Variants in SMOC2 observed in about 807,000 individuals in gnomAD.
SMOC2 encodes SPARC-related modular calcium-binding protein 2.
A neutral mutation model predicts 61.4 loss-of-function variants in SMOC2; 39 were observed. The ratio of observed to expected loss-of-function variants is 0.64; its 90% CI spans 0.49 to 0.83. SMOC2 has a LOEUF of 0.83. SMOC2 is among the 40% of genes least tolerant of loss of function. The pLI is 0.00. For missense variants in SMOC2, 556 were observed against 592.9 expected (o/e 0.94, Z 0.65); for synonymous variants, 247 against 239.9 (o/e 1.03, Z -0.27).
intron 7 of SMOC2, among the ~76,000 whole-genome samples, chr6:168,554,920 A>C (rs1784212229): frequency 6.6e-6 from 1 of 152,208 alleles, no homozygotes; most frequent in Non-Finnish European, 1.5e-5. Context: ...CTCTCACCAC[A>C]GGGCGTGTGC....
At chr6:168,630,753 C>A (rs1052161009) in intron 9 of SMOC2, among the ~76,000 whole-genome samples, 1 of 152,182 alleles carries the variant, frequency 6.6e-6, no homozygotes, top group Non-Finnish European at 1.5e-5. Flanking sequence ...AGAGAATGTG[C>A]GCTTGCGGGT....
At chr6:168,606,606 TG>T (rs1344450271) in intron 8 of SMOC2, among the ~76,000 whole-genome samples, 1 of 152,060 alleles carries the variant, frequency 6.6e-6, no homozygotes, top group Non-Finnish European at 1.5e-5. Flanking sequence ...ATGTAAGCAA[TG>T]AAAAAAATAG....
At chr6:168,578,697 A>G (rs1784860235) in intron 7 of SMOC2, among the ~76,000 whole-genome samples, 1 of 152,216 alleles carries the variant, frequency 6.6e-6, no homozygotes, top group South Asian at 2.1e-4. Flanking sequence ...ATTATGCCAA[A>G]TGGCAAAGAC....
chr6:168,643,411 C>T (rs1243926432), intron 9 of SMOC2, among the ~76,000 whole-genome samples: 2 of 152,282 alleles, frequency 1.3e-5, no homozygotes, highest in East Asian at 1.9e-4. Context: ...CTGCCCCACT[C>T]GACACACCCT....
intron 2 of SMOC2, among the ~76,000 whole-genome samples, chr6:168,525,241 G>A (rs1016166393): frequency 2.0e-5 from 3 of 152,250 alleles, no homozygotes; most frequent in Non-Finnish European, 2.9e-5. Flanking sequence ...GGCAGCCAAC[G>A]TGACGTCGTC....
rs539049970 is a variant in SMOC2, at chr6:168,519,047, G to A, written c.257-7299G>A. On this transcript the variant is annotated intron_variant, in intron 2 of 12. Transcript: ENST00000356284. ...AACATGTGTGTGTATGTGTGCATGT[G>A]TGAGCATGCATATGTGTGTGAGTGT... Among the ~76,000 whole-genome samples, 897 of 151,482 alleles carry A rather than the reference G, an allele frequency of 5.9e-3. 11 individuals are homozygous for A. Among genetic ancestry groups the A allele is most frequent in the Non-Finnish European group, 0.01 (688 of 67,870 alleles).
At chr6:168,485,583 C>A (rs1782311918) in intron 1 of SMOC2, among the ~76,000 whole-genome samples, 1 of 152,138 alleles carries the variant, frequency 6.6e-6, no homozygotes, top group Non-Finnish European at 1.5e-5. Context: ...GACCTCATAT[C>A]ATATGAGTCT....
At chr6:168,599,171 TCA>T (rs571180322) in intron 8 of SMOC2, among the ~76,000 whole-genome samples, 167 bp downstream of exon 8, 6 of 93,670 alleles carry the variant, frequency 6.4e-5, no homozygotes, top group Non-Finnish European at 1.2e-4. Flanking sequence ...ACCCACGCTC[TCA>T]CACACACCCA....
intron 8 of SMOC2, among the ~76,000 whole-genome samples, chr6:168,599,536 C>CCACAGTCACACA (rs146935677): frequency 1.4e-5 from 1 of 69,462 alleles, no homozygotes. Context: ...CCCCACACAC[C>CCACAGTCACACA]CACTCACACA....
intron 9 of SMOC2, among the ~76,000 whole-genome samples, chr6:168,621,857 C>T (rs1349646533): frequency 6.6e-6 from 1 of 152,138 alleles, no homozygotes; most frequent in Non-Finnish European, 1.5e-5. Context: ...TGGGCGGGGA[C>T]ACAGAGCCAA....
intron 7 of SMOC2, among the ~76,000 whole-genome samples, chr6:168,581,004 A>G (rs9455665): frequency 0.29 from 44,650 of 152,096 alleles, 6,715 homozygotes; most frequent in Middle Eastern, 0.43. Flanking sequence ...AAAGTATGCA[A>G]CCAGTCAGAA....
At chr6:168,517,547 G>C (rs1007873459) in intron 2 of SMOC2, among the ~76,000 whole-genome samples, 2 of 152,192 alleles carry the variant, frequency 1.3e-5, no homozygotes, top group African/African-American at 4.8e-5. Flanking sequence ...GACAGCTCTC[G>C]GGCTCTGAGG....
intron 4 of SMOC2, among the ~76,000 whole-genome samples, chr6:168,543,255 C>T (rs993882496): frequency 4.6e-5 from 7 of 152,276 alleles, no homozygotes; most frequent in Middle Eastern, 3.4e-3. Context: ...TGTGTAATGT[C>T]TTAAGATTTT....
chr6:168,518,857 TTG>T (rs1028148800), intron 2 of SMOC2, among the ~76,000 whole-genome samples: 2 of 147,008 alleles, frequency 1.4e-5, no homozygotes, highest in African/African-American at 5.1e-5. Context: ...GTGTGCCTCC[TTG>T]TGTATGAATG....
rs1218706854 is a variant in SMOC2, at chr6:168,538,220, G to C, written c.464-5405G>C. Among the ~76,000 whole-genome samples the C allele has an allele frequency of 2.1e-5, 3 of 141,912 alleles. No individual in the cohort carries two copies. The Admixed American group carries it at 2.1e-4, about 10-fold the overall frequency. The allele number at this position is 141,912 out of a possible 152,430, so 93.1% of individuals were successfully genotyped here. A position where few individuals can be genotyped will look rare whatever the true frequency, so the allele number is the denominator to read the frequency against. On this transcript the variant is annotated intron_variant, in intron 4 of 12. Transcript: ENST00000356284. ...GAATCTGGGGAGTGGGGTGACCGCT[G>C]CTGGAATCTGGGGGAGCGGGGTGGC... is the stretch of plus-strand genomic sequence containing the variant.
At chr6:168,664,766 G>A (rs368125694) in intron 12 of SMOC2, 400 of 471,136 alleles carry the variant, frequency 8.5e-4, no homozygotes, top group African/African-American at 7.3e-3. Context: ...CAGACCCAAA[G>A]CCACAACCCA....
intron 7 of SMOC2, among the ~76,000 whole-genome samples, chr6:168,585,034 T>G (rs1387589909): frequency 6.6e-6 from 1 of 152,240 alleles, no homozygotes; most frequent in African/African-American, 2.4e-5. Flanking sequence ...CACAGCTCAC[T>G]GCAGCCTTGG....
At chr6:168,478,281 G>A (rs949512939) in intron 1 of SMOC2, among the ~76,000 whole-genome samples, 1 of 152,140 alleles carries the variant, frequency 6.6e-6, no homozygotes, top group African/African-American at 2.4e-5. Flanking sequence ...AGTCCAAAAT[G>A]TCTCCTGGTG....
At chr6:168,587,973 G>A (rs1303931216) in intron 7 of SMOC2, among the ~76,000 whole-genome samples, 1 of 151,506 alleles carries the variant, frequency 6.6e-6, no homozygotes, top group South Asian at 2.1e-4. Context: ...TCTGGAGGCT[G>A]GAAGTCCAAG....
Sources: allele counts gnomAD v4.1 joint callset (sites outside exome capture counted in the v4.1 genomes callset), GRCh38; gene constraint gnomAD v4.1.1; transcripts MANE v1.5; gene names NCBI Gene and HGNC (gene_info 2026-07-23, HGNC 2026-07-21).